EXOC6B: variants seen among roughly 807,000 people sequenced by gnomAD.
The protein encoded by EXOC6B is SEC15 homolog B.
EXOC6B carries 54 observed loss-of-function variants against 113.5 expected under a neutral mutation model. The ratio of observed to expected loss-of-function variants is 0.48; its 90% CI spans 0.38 to 0.60. The LOEUF is 0.60. EXOC6B is among the 20% of genes least tolerant of loss of function. The pLI, the probability that EXOC6B is intolerant of heterozygous loss-of-function variation, is 0.00. For synonymous variants in EXOC6B, 357 were observed against 339.0 expected, an observed-to-expected ratio of 1.05 and a Z score of -0.58; for missense variants, 797 against 977.5, an observed-to-expected ratio of 0.82 and a Z score of 2.46.
At chr2:72,286,454 G>A (rs1486028245) in intron 20 of EXOC6B, among the ~76,000 whole-genome samples, 1 of 152,146 alleles carries the variant, frequency 6.6e-6, no homozygotes, top group Non-Finnish European at 1.5e-5. Context: ...GGCACAATGA[G>A]GGGGACAAGA....
intron 5 of EXOC6B, among the ~76,000 whole-genome samples, chr2:72,726,744 G>A (rs547122069): frequency 1.3e-5 from 2 of 152,090 alleles, no homozygotes; most frequent in African/African-American, 2.4e-5. Context: ...GTGTGATTTG[G>A]TGTAATATTT....
chr2:72,179,462 C>T lies in EXOC6B; in HGVS notation c.2310-1G>A, dbSNP rs1677951722. 1 of 1,613,722 alleles carries T rather than the reference C, an allele frequency of 6.2e-7. No homozygotes were observed. The highest frequency in any genetic ancestry group is 1.3e-5 in the African/African-American group (1 of 74,874). ...GTTCTTGCGGCTAGTATCCTTCATCCTAAACAGAGAAGGAAAGAAAGAGGG... is the reference window on the plus strand; with the variant it reads ...GTTCTTGCGGCTAGTATCCTTCATCTTAAACAGAGAAGGAAAGAAAGAGGG... On this transcript the variant is annotated splice_acceptor_variant, in intron 21 of 21. Transcript: ENST00000272427. LOFTEE classifies it high-confidence loss of function.
At chr2:72,528,711 G>A (rs528017089) in intron 8 of EXOC6B, among the ~76,000 whole-genome samples, 7 of 152,008 alleles carry the variant, frequency 4.6e-5, no homozygotes, top group South Asian at 4.2e-4. Context: ...TGATTTTATC[G>A]ATCAGCATTT....
At chr2:72,762,903 G>A (rs903441373) in intron 1 of EXOC6B, among the ~76,000 whole-genome samples, 1 of 151,806 alleles carries the variant, frequency 6.6e-6, no homozygotes, top group Non-Finnish European at 1.5e-5. Context: ...AAGATCAATG[G>A]GTGAAATGAA....
At chr2:72,681,843 G>T (rs1359339910) in intron 6 of EXOC6B, among the ~76,000 whole-genome samples, 1 of 151,998 alleles carries the variant, frequency 6.6e-6, no homozygotes, top group Non-Finnish European at 1.5e-5. Flanking sequence ...CAACAATAGG[G>T]TAGTCTTGAT....
Position 72,236,900 on chromosome 2 carries a change from G to A in EXOC6B, c.2197-52713C>T, listed in dbSNP as rs77388413. On this transcript the variant is annotated intron_variant, in intron 20 of 21. Transcript: ENST00000272427. Reference sequence around the variant, plus strand: ...CTGATAACTATCAACAACAGATTACGAGTCCCATATTTAAACACAGCAGAG... The same window carrying A: ...CTGATAACTATCAACAACAGATTACAAGTCCCATATTTAAACACAGCAGAG... 3.6e-3 allele frequency among the ~76,000 whole-genome samples: 542 copies of A among 152,172 alleles called. 19 individuals carry two copies. In the East Asian group the frequency reaches 0.085, roughly 24 times the overall value.
chr2:72,475,663 C>A (rs1698695532), intron 17 of EXOC6B, among the ~76,000 whole-genome samples: 1 of 152,100 alleles, frequency 6.6e-6, no homozygotes. Flanking sequence ...GAGGCAATCC[C>A]TAGAAAAGTA....
At chr2:72,537,445 A>G (rs1431070683) in intron 8 of EXOC6B, among the ~76,000 whole-genome samples, 1 of 149,980 alleles carries the variant, frequency 6.7e-6, no homozygotes, top group African/African-American at 2.5e-5. Flanking sequence ...CTGTCTCTAC[A>G]AAAAATACAA....
chr2:72,515,411 T>A, intron 8 of EXOC6B: 1 of 1,193,608 alleles, frequency 8.4e-7, no homozygotes, highest in South Asian at 2.6e-5. Context: ...CTGTCTCAAA[T>A]TCACAAGAAT....
chr2:72,673,877 T>A (rs1282412781), intron 6 of EXOC6B, among the ~76,000 whole-genome samples: 3 of 152,004 alleles, frequency 2.0e-5, no homozygotes, highest in Admixed American at 2.0e-4. Flanking sequence ...TTTAAATTCC[T>A]AAGATTAGTC....
At chr2:72,567,225 A>T (rs2103761471) in intron 7 of EXOC6B, among the ~76,000 whole-genome samples, 1 of 152,196 alleles carries the variant, frequency 6.6e-6, no homozygotes, top group Admixed American at 6.5e-5. Context: ...AAAAAAAATT[A>T]GCCAAAAGCG....
chr2:72,250,737 G>A lies in EXOC6B; in HGVS notation c.2197-66550C>T, dbSNP rs76604731. The stretch of plus-strand genomic sequence containing the variant: ...ATTATGATTTTTTGGAAAATTTACA[G>A]TTCCTCTTACTCATCACTTGTAAAA... On this transcript the variant is annotated intron_variant, in intron 20 of 21. Coordinates refer to ENST00000272427, the MANE Select transcript of EXOC6B (RefSeq NM_015189.3). Among the ~76,000 whole-genome samples the A allele has an allele frequency of 2.1e-3, 323 of 151,938 alleles. 11 individuals carry two copies. The East Asian group carries it at 0.05, about 24-fold the overall frequency.
At chr2:72,741,544 G>A in intron 1 of EXOC6B, 75 bp from the exon 2 acceptor site, 1 of 1,348,240 alleles carries the variant, frequency 7.4e-7, no homozygotes, top group Non-Finnish European at 1.0e-6. Flanking sequence ...AAATCCAGAA[G>A]CAAATTTAGG....
intron 6 of EXOC6B, among the ~76,000 whole-genome samples, chr2:72,656,130 G>A (rs1253465032): frequency 6.6e-6 from 1 of 152,002 alleles, no homozygotes; most frequent in East Asian, 1.9e-4. Context: ...TAATGACAGG[G>A]AAACTAAAAT....
intron 6 of EXOC6B, among the ~76,000 whole-genome samples, chr2:72,636,170 C>T (rs370284234): frequency 6.6e-5 from 10 of 151,852 alleles, no homozygotes; most frequent in Admixed American, 1.3e-4. Context: ...CTGTAATGAG[C>T]TATCATCATG....
intron 1 of EXOC6B, among the ~76,000 whole-genome samples, chr2:72,749,498 T>G (rs1681908033): frequency 1.3e-5 from 2 of 152,040 alleles, no homozygotes; most frequent in Admixed American, 1.3e-4. Flanking sequence ...TTACTTTTAA[T>G]TTTTGCCATT....
chr2:72,388,044 TTGTCAC>T lies in EXOC6B; in HGVS notation c.1981-8180_1981-8175del. 2.0e-5 allele frequency among the ~76,000 whole-genome samples: 3 copies of T among 152,212 alleles called. No individual in the cohort carries two copies. The East Asian group carries it at 5.8e-4, about 29-fold the overall frequency. On this transcript the variant is annotated intron_variant, in intron 18 of 21. Transcript: ENST00000272427. ...TGGCAATGTCTGAAGACATGTTTGG[TTGTCAC>T]AACTGGCAGGAGGTGGAAGGAGGGG...
At chr2:72,799,824 G>C (rs1332974489) in intron 1 of EXOC6B, among the ~76,000 whole-genome samples, 2 of 152,076 alleles carry the variant, frequency 1.3e-5, no homozygotes, top group Non-Finnish European at 2.9e-5. Context: ...CAGCACTTTG[G>C]GAGGCCAAGG....
chr2:72,752,005 A>G (rs1682073244), intron 1 of EXOC6B, among the ~76,000 whole-genome samples: 1 of 152,138 alleles, frequency 6.6e-6, no homozygotes. Flanking sequence ...GAAGCTTGCT[A>G]TGATGGAGCT....
Sources: gnomAD v4.1 joint callset for allele counts (sites outside exome capture counted in the v4.1 genomes callset) on GRCh38, gnomAD v4.1.1 for gene constraint, MANE v1.5 for transcripts, NCBI Gene and HGNC (gene_info 2026-07-23, HGNC 2026-07-21) for gene names.